The following ANKRD12 variants were observed in gnomAD, a reference collection of about 807,000 sequenced individuals.
ANKRD12 encodes the protein ankyrin repeat domain-containing protein 12.
ANKRD12 carries 85 observed loss-of-function variants against 183.4 expected under a neutral mutation model. That is an observed-to-expected ratio of 0.46 (90% CI 0.39 to 0.56). The LOEUF (loss-of-function observed/expected upper bound fraction) is 0.56. Ranked by LOEUF, ANKRD12 falls within the 20% of genes least tolerant of loss-of-function variation. The pLI is 0.00. For missense variants in ANKRD12, 2,405 were observed against 2,357.1 expected (o/e 1.02, Z -0.42); for synonymous variants, 914 against 800.2 (o/e 1.14, Z -2.40).
chr18:9,188,430 G>A (rs1367743227), intron 2 of ANKRD12, among the ~76,000 whole-genome samples: 2 of 152,172 alleles, frequency 1.3e-5, no homozygotes, highest in African/African-American at 4.8e-5. Context: ...GATAGTCCAG[G>A]ACAAAGGAAA....
At chr18:9,242,813 C>T (rs1256657553) in intron 8 of ANKRD12, among the ~76,000 whole-genome samples, 1 of 152,176 alleles carries the variant, frequency 6.6e-6, no homozygotes, top group African/African-American at 2.4e-5. Context: ...ATTATATTCT[C>T]TTCCTTCCCA....
At chr18:9,237,464 T>C (rs2037411152) in intron 8 of ANKRD12, among the ~76,000 whole-genome samples, 1 of 152,192 alleles carries the variant, frequency 6.6e-6, no homozygotes, top group Non-Finnish European at 1.5e-5. Flanking sequence ...ATGTTTATTA[T>C]AACATTCTTT....
At chr18:9,279,277 A>G (rs901927988) in intron 11 of ANKRD12, among the ~76,000 whole-genome samples, 6 of 152,202 alleles carry the variant, frequency 3.9e-5, no homozygotes, top group South Asian at 4.1e-4. Flanking sequence ...TTAATGTAAC[A>G]TGCCTTTTTG....
intron 7 of ANKRD12, among the ~76,000 whole-genome samples, chr18:9,218,521 A>AT (rs1481015629): frequency 6.6e-6 from 1 of 152,156 alleles, no homozygotes; most frequent in Non-Finnish European, 1.5e-5. Context: ...TCCATAAAGC[A>AT]TTTTTTTAAG....
chr18:9,280,387 C>A (rs562019654), intron 12 of ANKRD12, among the ~76,000 whole-genome samples: 1 of 152,260 alleles, frequency 6.6e-6, no homozygotes, highest in East Asian at 1.9e-4. Flanking sequence ...GGCCATGGAT[C>A]GGTACCAGTC....
chr18:9,142,879 C>T (rs1237954287), intron 1 of ANKRD12, among the ~76,000 whole-genome samples: 1 of 57,910 alleles, frequency 1.7e-5, no homozygotes, highest in Non-Finnish European at 4.3e-5. Context: ...GTGATACTGC[C>T]TCCAAAAAAA....
At chr18:9,196,204 A>ACACACG (rs2034804520) in intron 3 of ANKRD12, among the ~76,000 whole-genome samples, 1 of 151,684 alleles carries the variant, frequency 6.6e-6, no homozygotes, top group South Asian at 2.1e-4. Flanking sequence ...ACACACACAC[A>ACACACG]CACACACACA....
chr18:9,225,011 G>A (rs1014296073), intron 8 of ANKRD12, among the ~76,000 whole-genome samples: 1 of 152,066 alleles, frequency 6.6e-6, no homozygotes, highest in Non-Finnish European at 1.5e-5. Flanking sequence ...CTGAACCCAG[G>A]AGTTTGAGAC....
Position 9,285,184 on chromosome 18 carries a change from G to A in ANKRD12, c.*4058G>A, listed in dbSNP as rs1216726168. ...AGATCGTGCCACTGCACTCCAGCCT[G>A]GGCGACAGAGCGAGACTCCGTCTCA... On this transcript the variant is annotated 3_prime_UTR_variant, in exon 13 of 13. Transcript: ENST00000262126. 6.6e-6 allele frequency: 1 copy of A among 151,246 alleles called. No individual in the cohort carries two copies. Among genetic ancestry groups the A allele is most frequent in the Non-Finnish European group, 1.5e-5 (1 of 67,778 alleles). The allele number at this position is 151,246 out of a possible 1,614,324, so 9.4% of individuals were successfully genotyped here.
chr18:9,221,798 G>C, intron 7 of ANKRD12, 54 bp from the exon 8 acceptor site: 1 of 1,572,270 alleles, frequency 6.4e-7, no homozygotes, highest in Non-Finnish European at 8.7e-7. Context: ...GAGAATGGGT[G>C]CAGTGATAAC....
chr18:9,265,746 C>G (rs1168126539), intron 10 of ANKRD12, among the ~76,000 whole-genome samples: 1 of 152,234 alleles, frequency 6.6e-6, no homozygotes, highest in Non-Finnish European at 1.5e-5. Context: ...AGCTCCTCAC[C>G]AGCAACGGAA....
At chr18:9,273,739 A>G (rs2039710611) in intron 10 of ANKRD12, among the ~76,000 whole-genome samples, 1 of 152,224 alleles carries the variant, frequency 6.6e-6, no homozygotes, top group Non-Finnish European at 1.5e-5. Context: ...TAGGGGAGGC[A>G]AAAGTTGACC....
chr18:9,139,521 C>A (rs1464633944), intron 1 of ANKRD12, among the ~76,000 whole-genome samples: 1 of 152,122 alleles, frequency 6.6e-6, no homozygotes, highest in Admixed American at 6.5e-5. Context: ...ACCATTCTTA[C>A]GTTTTAGGAG....
chr18:9,184,239 A>G (rs2033893282), intron 2 of ANKRD12, among the ~76,000 whole-genome samples: 1 of 152,204 alleles, frequency 6.6e-6, no homozygotes, highest in Middle Eastern at 3.2e-3. Flanking sequence ...TTTCCCTACA[A>G]ATTTACTGAT....
At chr18:9,196,238 T>G (rs1014690232) in intron 3 of ANKRD12, among the ~76,000 whole-genome samples, 1 of 138,942 alleles carries the variant, frequency 7.2e-6, no homozygotes, top group Non-Finnish European at 1.5e-5. Context: ...GCTAACTGCC[T>G]CAGTGCTTTT....
intron 8 of ANKRD12, among the ~76,000 whole-genome samples, chr18:9,245,610 T>C (rs184577969): frequency 6.6e-6 from 1 of 152,204 alleles, no homozygotes; most frequent in Admixed American, 6.5e-5. Flanking sequence ...AGGTAAAGAA[T>C]AGACAAACAC....
In ANKRD12 at chr18:9,257,130, C is replaced by G; in HGVS notation, c.3863C>G (p.Ser1288Ter). ...ANRLSTSHLR[S>*]SSVEDVKLII... ...AGACTTTCAACATCCCATCTTAGGT[C>G]ATCTTCTGTAGAAGATGTTAAACTA... Residue 1288 changes from serine to a stop codon, truncating the protein, a stop_gained, in exon 9 of 13, where the codon TCA becomes TGA. Coordinates refer to ENST00000262126, the MANE Select transcript of ANKRD12 (RefSeq NM_015208.5). LOFTEE classifies it high-confidence loss of function. The G allele has an allele frequency of 6.2e-7, 1 of 1,614,132 alleles. No homozygotes were observed. The highest frequency in any genetic ancestry group is 8.5e-7 in the Non-Finnish European group (1 of 1,180,000).
intron 2 of ANKRD12, among the ~76,000 whole-genome samples, chr18:9,183,592 C>G (rs911311171): frequency 6.6e-6 from 1 of 152,132 alleles, no homozygotes; most frequent in South Asian, 2.1e-4. Context: ...TGATCTTACT[C>G]AATTATTAGT....
intron 4 of ANKRD12, among the ~76,000 whole-genome samples, chr18:9,205,498 A>G (rs1235530823): frequency 6.6e-6 from 1 of 152,066 alleles, no homozygotes; most frequent in Non-Finnish European, 1.5e-5. Flanking sequence ...CAAAAGTTTT[A>G]ATTGAGCTGA....
Sources: allele counts gnomAD v4.1 joint callset (sites outside exome capture counted in the v4.1 genomes callset), GRCh38; gene constraint gnomAD v4.1.1; transcripts MANE v1.5; gene names NCBI Gene and HGNC (gene_info 2026-07-23, HGNC 2026-07-21).